Variants in UBR3 observed in about 807,000 individuals in gnomAD.
UBR3 encodes the protein E3 ubiquitin-protein ligase UBR3.
A neutral mutation model predicts 243.2 loss-of-function variants in UBR3; 85 were observed. That is an observed-to-expected ratio of 0.35 (90% CI 0.29 to 0.42). UBR3 has a LOEUF of 0.42. Among genes scored for constraint, UBR3 ranks in the 10% least tolerant of loss-of-function variants. The pLI is 1.00. For synonymous variants in UBR3, 748 were observed against 799.8 expected (o/e 0.94, Z 1.09); for missense variants, 1,686 against 2,300.8 (o/e 0.73, Z 5.47).
intron 1 of UBR3, among the ~76,000 whole-genome samples, chr2:169,855,999 G>T (rs1057270385): frequency 6.6e-6 from 1 of 151,736 alleles, no homozygotes; most frequent in Non-Finnish European, 1.5e-5. Context: ...CCCAGATGGG[G>T]GGGCTGCCAG....
intron 30 of UBR3, among the ~76,000 whole-genome samples, chr2:170,027,680 C>G (rs905049020): frequency 6.6e-6 from 1 of 151,696 alleles, no homozygotes; most frequent in Non-Finnish European, 1.5e-5. Context: ...TTGAGATAAT[C>G]TTAGTATTTT....
At position 170,081,051 on chromosome 2, in the gene UBR3, GGT is replaced by G. The variant is rs577869696; in HGVS notation, c.5549+371_5549+372del. Among the ~76,000 whole-genome samples the G allele has an allele frequency of 5.0e-3, 765 of 152,222 alleles. 3 individuals carry two copies. The highest frequency in any genetic ancestry group is 9.0e-3 in the Admixed American group (138 of 15,284). The stretch of plus-strand genomic sequence containing the variant: ...CAAAAAAATAAAAATAAATAAGCCA[GGT>G]GTGGTGGTCATACACCTGTGGTCCC... On this transcript the variant is annotated intron_variant, in intron 38 of 38. Coordinates refer to ENST00000272793, the MANE Select transcript of UBR3 (RefSeq NM_172070.4).
rs775470141 is a variant in UBR3 at position 170,083,082 on chromosome 2, G to C, written c.*1239G>C. The C allele has an allele frequency of 6.6e-6, 1 of 152,476 alleles. No homozygotes were observed. Among genetic ancestry groups the C allele is most frequent in the Non-Finnish European group, 1.5e-5 (1 of 68,002 alleles). 9.4% of individuals were successfully genotyped at this position (152,476 alleles called of 1,614,324 possible). ...TAATTGAATGATTATTTAATATATAGTGCTATCAAGCAATCCCTGGTACTT... is the reference window on the plus strand; with the variant it reads ...TAATTGAATGATTATTTAATATATACTGCTATCAAGCAATCCCTGGTACTT... On this transcript the variant is annotated 3_prime_UTR_variant, in exon 39 of 39. Transcript: ENST00000272793.
chr2:170,047,780 C>T (rs1373841540), intron 32 of UBR3, among the ~76,000 whole-genome samples: 1 of 152,184 alleles, frequency 6.6e-6, no homozygotes, highest in Non-Finnish European at 1.5e-5. Context: ...GAGTAGTACA[C>T]TGAAATCTCA....
intron 24 of UBR3, among the ~76,000 whole-genome samples, chr2:169,970,110 G>A (rs2088039541): frequency 1.3e-5 from 2 of 151,572 alleles, no homozygotes; most frequent in South Asian, 4.2e-4. Context: ...CATTTTCACA[G>A]TATTCTTCCA....
At chr2:170,043,392 A>G (rs2091013782) in intron 32 of UBR3, among the ~76,000 whole-genome samples, 1 of 152,228 alleles carries the variant, frequency 6.6e-6, no homozygotes, top group African/African-American at 2.4e-5. Flanking sequence ...AGAGGATGCA[A>G]TACATGAAAT....
At chr2:169,990,035 G>A (rs1211872116) in intron 25 of UBR3, among the ~76,000 whole-genome samples, 1 of 152,038 alleles carries the variant, frequency 6.6e-6, no homozygotes, top group African/African-American at 2.4e-5. Context: ...CTTTTTAGTG[G>A]GAAATGGTAT....
At chr2:169,860,523 G>T (rs2083050496) in intron 1 of UBR3, among the ~76,000 whole-genome samples, 1 of 152,044 alleles carries the variant, frequency 6.6e-6, no homozygotes. Flanking sequence ...TAAGATGAGG[G>T]AGTAAATTTG....
intron 36 of UBR3, chr2:170,077,933 A>G (rs572233986): frequency 4.7e-5 from 25 of 536,902 alleles, no homozygotes; most frequent in African/African-American, 3.8e-4. Context: ...GGCAAGTTAC[A>G]TTTAGACAGA....
At chr2:170,033,354 T>G (rs2105425438) in intron 31 of UBR3, among the ~76,000 whole-genome samples, 1 of 152,116 alleles carries the variant, frequency 6.6e-6, no homozygotes, top group South Asian at 2.1e-4. Flanking sequence ...AATAACTCTA[T>G]GTACTAGGTA....
chr2:169,964,191 T>C (rs2087705838), intron 24 of UBR3, among the ~76,000 whole-genome samples: 1 of 152,158 alleles, frequency 6.6e-6, no homozygotes, highest in Non-Finnish European at 1.5e-5. Flanking sequence ...TTGTCCTCAT[T>C]GCATCCCACC....
At chr2:170,061,606 T>A (rs1343810116) in intron 35 of UBR3, among the ~76,000 whole-genome samples, 163 bp downstream of exon 35, 1 of 152,120 alleles carries the variant, frequency 6.6e-6, no homozygotes, top group African/African-American at 2.4e-5. Context: ...TAACTGGGAT[T>A]ACAGGCACAC....
At chr2:169,886,584 TA>T in intron 5 of UBR3, among the ~76,000 whole-genome samples, 1 of 152,348 alleles carries the variant, frequency 6.6e-6, no homozygotes, top group Non-Finnish European at 1.5e-5. Context: ...TTTCACTGTC[TA>T]GTAAACTCAT....
chr2:170,030,256 C>T (rs2090634622), intron 31 of UBR3, among the ~76,000 whole-genome samples: 1 of 151,918 alleles, frequency 6.6e-6, no homozygotes, highest in African/African-American at 2.4e-5. Flanking sequence ...GGCCCGGGTT[C>T]GTTTTGTACA....
Position 169,856,044 on chromosome 2 carries a change from T to G in UBR3, c.546-16192T>G, listed in dbSNP as rs529474918. Among the ~76,000 whole-genome samples, 4 of 149,498 alleles carry G rather than the reference T, an allele frequency of 2.7e-5. No homozygotes were observed. The East Asian group carries it at 6.0e-4, about 22-fold the overall frequency. Reference sequence around the variant, plus strand: ...CTCCTCACCTGCCAGACGGGGCGGCTGCTGGGCGGAGGGGCTCCTCACTTC... The same window carrying G: ...CTCCTCACCTGCCAGACGGGGCGGCGGCTGGGCGGAGGGGCTCCTCACTTC... On this transcript the variant is annotated intron_variant, in intron 1 of 38. Coordinates refer to ENST00000272793, the MANE Select transcript of UBR3 (RefSeq NM_172070.4).
intron 29 of UBR3, among the ~76,000 whole-genome samples, chr2:170,013,025 C>CTT (rs11409039): frequency 6.6e-6 from 1 of 151,720 alleles, no homozygotes; most frequent in Non-Finnish European, 1.5e-5. Flanking sequence ...ATTTTCGCCT[C>CTT]TTTTTTTTCT....
chr2:170,027,464 A>C (rs2090560643), intron 30 of UBR3, among the ~76,000 whole-genome samples: 1 of 151,838 alleles, frequency 6.6e-6, no homozygotes, highest in Non-Finnish European at 1.5e-5. Flanking sequence ...GATAGGGATT[A>C]GGAAAATAGG....
At chr2:169,892,408 G>T (rs747893563) in intron 6 of UBR3, among the ~76,000 whole-genome samples, 8 of 152,116 alleles carry the variant, frequency 5.3e-5, no homozygotes, top group Non-Finnish European at 8.8e-5. Flanking sequence ...TGGTGTAAGA[G>T]GTCATTGTTT....
chr2:169,918,152 T>C (rs1261434110), intron 11 of UBR3, among the ~76,000 whole-genome samples: 1 of 152,220 alleles, frequency 6.6e-6, no homozygotes, highest in Non-Finnish European at 1.5e-5. Context: ...ATTTTGGAAC[T>C]CCTTGTCTGG....
Sources: allele counts gnomAD v4.1 joint callset (sites outside exome capture counted in the v4.1 genomes callset), GRCh38; gene constraint gnomAD v4.1.1; transcripts MANE v1.5; gene names NCBI Gene and HGNC (gene_info 2026-07-23, HGNC 2026-07-21).